DRD2: variants seen among roughly 807,000 people sequenced by gnomAD.
The protein encoded by DRD2 is dopamine receptor D2, also known as D(2) dopamine receptor.
A neutral mutation model predicts 38.0 loss-of-function variants in DRD2; 8 were observed. The ratio of observed to expected loss-of-function variants is 0.21; its 90% CI spans 0.12 to 0.38. DRD2 has a LOEUF of 0.38. DRD2 is among the 10% of genes least tolerant of loss of function. DRD2 has a pLI of 1.00. For synonymous variants in DRD2, 230 were observed against 238.6 expected (o/e 0.96, Z 0.33); for missense variants, 403 against 607.7 (o/e 0.66, Z 3.54).
At chr11:113,421,980 A>T (rs1419788491) in intron 2 of DRD2, among the ~76,000 whole-genome samples, 3 of 152,096 alleles carry the variant, frequency 2.0e-5, no homozygotes, top group African/African-American at 7.2e-5. Flanking sequence ...TGTTTAAAGG[A>T]TCTGTTCGAA....
In DRD2 at chr11:113,428,629, A is replaced by AT. The variant is rs200422085; in HGVS notation, c.-31-3948dup. Reference sequence around the variant, plus strand: ...GAGGGAGGATGTAAACTGGGATTTAATTTTTTTTTAATAGAGACAGAATCC... The same window carrying AT: ...GAGGGAGGATGTAAACTGGGATTTAATTTTTTTTTTAATAGAGACAGAATCC... On this transcript the variant is annotated intron_variant, in intron 1 of 7. Coordinates refer to ENST00000362072, the MANE Select transcript of DRD2 (RefSeq NM_000795.4). Among the ~76,000 whole-genome samples, 4 of 151,524 alleles carry AT rather than the reference A, an allele frequency of 2.6e-5. No individual in the cohort carries two copies. In the South Asian group the frequency reaches 6.3e-4, roughly 24 times the overall value.
At chr11:113,441,877 G>A (rs914782273) in intron 1 of DRD2, among the ~76,000 whole-genome samples, 15 of 151,838 alleles carry the variant, frequency 9.9e-5, no homozygotes, top group Admixed American at 2.0e-4. Flanking sequence ...GAACCAGGGC[G>A]GTGGAGGTTG....
At chr11:113,447,420 G>A (rs1208009190) in intron 1 of DRD2, among the ~76,000 whole-genome samples, 1 of 149,864 alleles carries the variant, frequency 6.7e-6, no homozygotes, top group Non-Finnish European at 1.5e-5. Context: ...AAGTGCCCAT[G>A]AGAATCAAAA....
intron 1 of DRD2, among the ~76,000 whole-genome samples, chr11:113,445,569 G>A (rs1283078017): frequency 4.6e-5 from 7 of 152,192 alleles, no homozygotes; most frequent in African/African-American, 1.7e-4. Context: ...AGGCAAAGGG[G>A]AGGGTCCTCT....
chr11:113,414,230 G>A (rs1319314376), intron 6 of DRD2, 145 bp downstream of exon 6: 53 of 797,666 alleles, frequency 6.6e-5, no homozygotes, highest in Admixed American at 2.4e-4. Flanking sequence ...AGGTGTGCAC[G>A]GTGAGTCTGC....
intron 1 of DRD2, among the ~76,000 whole-genome samples, chr11:113,441,105 T>A (rs1951087305): frequency 6.6e-6 from 1 of 152,210 alleles, no homozygotes; most frequent in Admixed American, 6.5e-5. Context: ...CAGTTCAAGC[T>A]GCCAAGTTTG....
At position 113,418,152 on chromosome 11, in the gene DRD2, C is replaced by T. The variant is rs547664686; in HGVS notation, c.286-16G>A. 1.4e-5 allele frequency: 22 copies of T among 1,602,182 alleles called. No individual in the cohort carries two copies. Among genetic ancestry groups the T allele is most frequent in the Non-Finnish European group, 1.8e-5 (21 of 1,169,268 alleles). The stretch of plus-strand genomic sequence containing the variant: ...CACCTACCACCTGGGGACAAAGCAA[C>T]ATAATGGATGGACAGCAGGAGTGGG... On this transcript the variant is annotated splice_polypyrimidine_tract_variant and intron_variant, in intron 2 of 7. Coordinates refer to ENST00000362072, the MANE Select transcript of DRD2 (RefSeq NM_000795.4).
intron 2 of DRD2, among the ~76,000 whole-genome samples, chr11:113,423,363 C>T (rs1055558431): frequency 5.3e-5 from 8 of 152,096 alleles, no homozygotes; most frequent in Non-Finnish European, 1.2e-4. Context: ...GCAACCTCTG[C>T]CTCCCAGATT....
At chr11:113,429,879 C>T (rs11214605) in intron 1 of DRD2, among the ~76,000 whole-genome samples, 64,081 of 152,190 alleles carry the variant, frequency 0.42, 16,651 homozygotes, top group Non-Finnish European at 0.6. Flanking sequence ...GAGATAACAA[C>T]AATTGTGAGT....
chr11:113,474,498 G>T (rs925692413), intron 1 of DRD2: 1 of 152,320 alleles, frequency 6.6e-6, no homozygotes, highest in Non-Finnish European at 1.5e-5. Context: ...GAGAACGAAA[G>T]TTCAGGACCA....
At chr11:113,471,752 G>A (rs534969542) in intron 1 of DRD2, among the ~76,000 whole-genome samples, 2 of 152,250 alleles carry the variant, frequency 1.3e-5, no homozygotes, top group East Asian at 3.9e-4. Context: ...TTGTATTTCT[G>A]GACTAAGGAA....
chr11:113,437,643 C>T (rs986711454), intron 1 of DRD2, among the ~76,000 whole-genome samples: 1 of 152,150 alleles, frequency 6.6e-6, no homozygotes, highest in Non-Finnish European at 1.5e-5. Context: ...GCACAGGGCA[C>T]GCTGGAGTCC....
chr11:113,465,603 C>T (rs1388039641), intron 1 of DRD2, among the ~76,000 whole-genome samples: 1 of 152,198 alleles, frequency 6.6e-6, no homozygotes, highest in Non-Finnish European at 1.5e-5. Flanking sequence ...CTTGTACCAT[C>T]TTCACTTCAA....
intron 1 of DRD2, among the ~76,000 whole-genome samples, chr11:113,465,568 C>T (rs1417425044): frequency 6.6e-6 from 1 of 152,162 alleles, no homozygotes; most frequent in African/African-American, 2.4e-5. Context: ...CATAGTCAGG[C>T]CCCTGCCTAA....
At chr11:113,434,783 C>CT (rs1344992252) in intron 1 of DRD2, among the ~76,000 whole-genome samples, 1 of 152,136 alleles carries the variant, frequency 6.6e-6, no homozygotes, top group African/African-American at 2.4e-5. Context: ...GCCATCCCCC[C>CT]CCATCAGCAC....
At chr11:113,441,957 A>AG (rs902102812) in intron 1 of DRD2, among the ~76,000 whole-genome samples, 55 of 152,134 alleles carry the variant, frequency 3.6e-4, no homozygotes, top group African/African-American at 1.3e-3. Context: ...CCAAAAAAAA[A>AG]AAAAAAGCTA....
At chr11:113,432,915 T>C (rs1257438144) in intron 1 of DRD2, among the ~76,000 whole-genome samples, 2 of 152,218 alleles carry the variant, frequency 1.3e-5, no homozygotes, top group Non-Finnish European at 2.9e-5. Context: ...TGAATAACAC[T>C]TTTATGTTCT....
chr11:113,463,038 G>A (rs1418314941), intron 1 of DRD2, among the ~76,000 whole-genome samples: 2 of 152,154 alleles, frequency 1.3e-5, no homozygotes, highest in Non-Finnish European at 2.9e-5. Flanking sequence ...CACGTGATAC[G>A]CTGAGCACTG....
At chr11:113,443,389 C>A (rs181531627) in intron 1 of DRD2, among the ~76,000 whole-genome samples, 1 of 152,322 alleles carries the variant, frequency 6.6e-6, no homozygotes, top group African/African-American at 2.4e-5. Flanking sequence ...TCTTATTCAT[C>A]TTTTGCTCCT....
Sources: gnomAD v4.1 joint callset for allele counts (sites outside exome capture counted in the v4.1 genomes callset) on GRCh38, gnomAD v4.1.1 for gene constraint, MANE v1.5 for transcripts, NCBI Gene and HGNC (gene_info 2026-07-23, HGNC 2026-07-21) for gene names.